KRIT1: variants seen among roughly 807,000 people sequenced by gnomAD.
The protein encoded by KRIT1 is KRIT1 ankyrin repeat containing.
Under a neutral mutation model 95.8 loss-of-function variants are expected in KRIT1, and 45 were observed. That is an observed-to-expected ratio of 0.47 (90% CI 0.37 to 0.60). KRIT1 has a LOEUF of 0.60. KRIT1 is among the 20% of genes least tolerant of loss of function. The pLI is 0.00. For missense variants in KRIT1, 788 were observed against 877.5 expected (o/e 0.90, Z 1.29); for synonymous variants, 282 against 278.8 (o/e 1.01, Z -0.11).
intron 10 of KRIT1, among the ~76,000 whole-genome samples, chr7:92,226,987 G>A (rs1038895179): frequency 6.6e-6 from 1 of 152,138 alleles, no homozygotes; most frequent in Non-Finnish European, 1.5e-5. Flanking sequence ...ACAAAGGTTA[G>A]ATACAATTTT....
chr7:92,241,262 T>G, intron 4 of KRIT1, 110 bp from the exon 5 acceptor site: 1 of 848,628 alleles, frequency 1.2e-6, no homozygotes, highest in Non-Finnish European at 1.9e-6. Flanking sequence ...TAGAATAATT[T>G]GGGAAGCTTT....
At chr7:92,234,176 T>G (rs1212197329) in intron 10 of KRIT1, among the ~76,000 whole-genome samples, 1 of 152,230 alleles carries the variant, frequency 6.6e-6, no homozygotes, top group African/African-American at 2.4e-5. Flanking sequence ...ATAAGTGACC[T>G]TGTACTCTAC....
chr7:92,218,021 T>C (rs1208598326), intron 14 of KRIT1, among the ~76,000 whole-genome samples: 2 of 152,222 alleles, frequency 1.3e-5, no homozygotes, highest in Non-Finnish European at 2.9e-5. Flanking sequence ...CATCTTTTCA[T>C]GTGTTTGCTG....
chr7:92,215,486 T>C (rs1410876960), intron 14 of KRIT1, among the ~76,000 whole-genome samples: 3 of 152,240 alleles, frequency 2.0e-5, no homozygotes, highest in Non-Finnish European at 4.4e-5. Context: ...GTTTTGTTTT[T>C]TGAGACAGGG....
Position 92,214,623 on chromosome 7 carries a change from T to C in KRIT1, c.1718A>G (p.Gln573Arg). 1 of 1,611,476 alleles carries C rather than the reference T, an allele frequency of 6.2e-7. No homozygotes were observed. Among genetic ancestry groups the C allele is most frequent in the South Asian group, 1.1e-5 (1 of 91,040 alleles). The change falls in exon 15 of 19, where the codon CAA (glutamine) becomes CGA (arginine). Residue 573 changes from glutamine to arginine, a missense_variant. Transcript: ENST00000394505. ...YGNYESKKHK[Q>R]GFLNEENLKS... ...ATTAAATACTTACTTTAGGAAACCT[T>C]GCTTGTGTTTTTTACTCTCATAATT...
rs1798269003 is a variant in KRIT1, at chr7:92,235,595, T to C, written c.537A>G (p.Arg179=). The C allele has an allele frequency of 1.9e-6, 3 of 1,613,796 alleles. No homozygotes were observed. The highest frequency in any genetic ancestry group is 8.5e-7 in the Non-Finnish European group (1 of 1,179,852). ...AQSHFIPALF[R]PSPLERIKTN... is the part of the protein sequence containing the mutation. ...TTTTTATCCGCTCAAGAGGAGAAGG[T>C]CGGAATAAAGCTGGAATAAAGTGAG... Residue 179 remains arginine, a synonymous_variant, in exon 8 of 19, where the codon CGA becomes CGG. Coordinates refer to ENST00000394505, the MANE Select transcript of KRIT1 (RefSeq NM_194454.3).
chr7:92,225,928 C>A, intron 11 of KRIT1, 101 bp from the exon 12 acceptor site: 1 of 711,578 alleles, frequency 1.4e-6, no homozygotes, highest in Non-Finnish European at 2.5e-6. Context: ...AAAAGAGACT[C>A]TTGTCAAGTA....
intron 14 of KRIT1, among the ~76,000 whole-genome samples, chr7:92,216,953 A>C (rs988490670): frequency 6.6e-6 from 1 of 152,224 alleles, no homozygotes; most frequent in African/African-American, 2.4e-5. Flanking sequence ...GATGCTAAAC[A>C]GTAAGTGTAA....
At chr7:92,226,488 C>T (rs1369052598) in intron 11 of KRIT1, 38 bp downstream of exon 11, 2 of 1,485,322 alleles carry the variant, frequency 1.3e-6, no homozygotes, top group Admixed American at 3.3e-5. Context: ...TTATTCACTG[C>T]TTGAATATTA....
At chr7:92,246,007 C>G (rs932427766), upstream of KRIT1, 30 of 245,378 alleles carry the variant, frequency 1.2e-4, no homozygotes, top group South Asian at 5.9e-4. Context: ...GTTCCTGCTC[C>G]TTTTCACTGG....
intron 14 of KRIT1, among the ~76,000 whole-genome samples, chr7:92,215,947 C>T (rs1021098561): frequency 1.6e-4 from 25 of 151,894 alleles, no homozygotes; most frequent in Admixed American, 1.3e-3. Flanking sequence ...ATGATTTTTG[C>T]GGCCAGGCAC....
chr7:92,224,959 A>G (rs1025381404), intron 12 of KRIT1, among the ~76,000 whole-genome samples: 1 of 151,910 alleles, frequency 6.6e-6, no homozygotes, highest in African/African-American at 2.4e-5. Flanking sequence ...GGTGATCGAG[A>G]CCATCCTAGC....
intron 17 of KRIT1, among the ~76,000 whole-genome samples, chr7:92,212,214 C>T (rs940151706): frequency 6.6e-6 from 1 of 152,186 alleles, no homozygotes; most frequent in Non-Finnish European, 1.5e-5. Flanking sequence ...CTTCATCCTG[C>T]TCCCCAAAAG....
chr7:92,228,683 C>T (rs1485386927), intron 10 of KRIT1, among the ~76,000 whole-genome samples: 1 of 152,022 alleles, frequency 6.6e-6, no homozygotes, highest in Non-Finnish European at 1.5e-5. Context: ...GATTATTTCA[C>T]CACCCAGGTA....
chr7:92,234,729 CA>C, intron 9 of KRIT1, 78 bp downstream of exon 9: 1 of 1,117,566 alleles, frequency 8.9e-7, no homozygotes, highest in Admixed American at 1.7e-5. Context: ...ATACAAATTG[CA>C]TATATAATTT....
At position 92,225,632 on chromosome 7, in the gene KRIT1, G is replaced by A. The variant is rs992120707; in HGVS notation, c.1254+88C>T. Reference sequence around the variant, plus strand: ...ATAGCAGTAAAGAAGCCATCTAATCGTCTTTCCACTCTTGCCACAGATCCT... The same window carrying A: ...ATAGCAGTAAAGAAGCCATCTAATCATCTTTCCACTCTTGCCACAGATCCT... On this transcript the variant is annotated intron_variant, in intron 12 of 18. Coordinates refer to ENST00000394505, the MANE Select transcript of KRIT1 (RefSeq NM_194454.3). The A allele has an allele frequency of 1.0e-4, 81 of 798,314 alleles. 1 individual carries two copies. Among genetic ancestry groups the A allele is most frequent in the Non-Finnish European group, 1.5e-4 (69 of 457,072 alleles). 49.5% of individuals were successfully genotyped at this position (798,314 alleles called of 1,614,324 possible).
chr7:92,235,359 T>TA, intron 8 of KRIT1, 44 bp downstream of exon 8: 1 of 1,597,110 alleles, frequency 6.3e-7, no homozygotes, highest in South Asian at 1.1e-5. Flanking sequence ...ACACTTGAGA[T>TA]AAAACGTCTT....
intron 7 of KRIT1, 47 bp downstream of exon 7, chr7:92,236,366 A>C: frequency 7.8e-7 from 1 of 1,286,658 alleles, no homozygotes; most frequent in Non-Finnish European, 1.1e-6. Flanking sequence ...TTCTACTATA[A>C]ACATGTATTT....
At chr7:92,218,223 AAAAAAC>A (rs887406348) in intron 14 of KRIT1, among the ~76,000 whole-genome samples, 1 of 151,740 alleles carries the variant, frequency 6.6e-6, no homozygotes, top group Non-Finnish European at 1.5e-5. Flanking sequence ...GGCTATTAAA[AAAAAAC>A]AAAGACAAAG....
Sources: gnomAD v4.1 joint callset for allele counts (sites outside exome capture counted in the v4.1 genomes callset) on GRCh38, gnomAD v4.1.1 for gene constraint, MANE v1.5 for transcripts, NCBI Gene and HGNC (gene_info 2026-07-23, HGNC 2026-07-21) for gene names.